FOXO1: variants seen among roughly 807,000 people sequenced by gnomAD.
The protein encoded by FOXO1 is forkhead box O1, also known as forkhead box protein O1.
In FOXO1, 6 loss-of-function variants were observed where a neutral mutation model predicts 44.1. The ratio of observed to expected loss-of-function variants is 0.14; its 90% CI spans 0.07 to 0.27. The LOEUF (loss-of-function observed/expected upper bound fraction) is 0.27. FOXO1 is among the 10% of genes least tolerant of loss of function. The pLI is 1.00. For missense variants in FOXO1, 737 were observed against 888.8 expected, an observed-to-expected ratio of 0.83 and a Z score of 2.17; for synonymous variants, 380 against 362.7, an observed-to-expected ratio of 1.05 and a Z score of -0.54.
At chr13:40,620,031 A>G in intron 1 of FOXO1, 1 of 825,292 alleles carries the variant, frequency 1.2e-6, no homozygotes, top group East Asian at 2.5e-5. Context: ...GGGAAAGTAG[A>G]CCAGTACAGC....
At chr13:40,596,312 G>A (rs1875575709) in intron 1 of FOXO1, among the ~76,000 whole-genome samples, 1 of 152,196 alleles carries the variant, frequency 6.6e-6, no homozygotes, top group Non-Finnish European at 1.5e-5. Context: ...CTGTCATCCA[G>A]GCAGATAATT....
At chr13:40,632,211 CAGTG>C (rs747785225) in intron 1 of FOXO1, among the ~76,000 whole-genome samples, 22 of 152,302 alleles carry the variant, frequency 1.4e-4, no homozygotes, top group Admixed American at 3.9e-4. Flanking sequence ...GCAGAGGTAG[CAGTG>C]AGCCAGTATC....
chr13:40,615,536 CAT>C (rs1240113899), intron 1 of FOXO1, among the ~76,000 whole-genome samples: 3 of 58,842 alleles, frequency 5.1e-5, no homozygotes, highest in Non-Finnish European at 1.1e-4. Flanking sequence ...CAAATACATA[CAT>C]ACATACATAC....
intron 1 of FOXO1, among the ~76,000 whole-genome samples, chr13:40,592,439 G>C (rs1329947949): frequency 6.6e-6 from 1 of 152,198 alleles, no homozygotes; most frequent in Non-Finnish European, 1.5e-5. Context: ...ATATCTCAAA[G>C]TTCCAGAACA....
At chr13:40,641,190 G>C (rs1333159216) in intron 1 of FOXO1, among the ~76,000 whole-genome samples, 1 of 152,014 alleles carries the variant, frequency 6.6e-6, no homozygotes, top group Non-Finnish European at 1.5e-5. Flanking sequence ...GTATGTGTAG[G>C]GGGTGACAGA....
intron 1 of FOXO1, among the ~76,000 whole-genome samples, chr13:40,580,142 T>C (rs1278035108): frequency 6.6e-6 from 1 of 152,192 alleles, no homozygotes; most frequent in African/African-American, 2.4e-5. Flanking sequence ...GTTGCTACAT[T>C]GGGGTAACAA....
intron 1 of FOXO1, among the ~76,000 whole-genome samples, chr13:40,563,280 G>A (rs889611456): frequency 2.6e-5 from 4 of 152,148 alleles, no homozygotes; most frequent in African/African-American, 9.7e-5. Context: ...AACACAAACT[G>A]GGAGAGAAGT....
intron 1 of FOXO1, among the ~76,000 whole-genome samples, chr13:40,567,585 G>A (rs1874318604): frequency 6.6e-6 from 1 of 152,164 alleles, no homozygotes; most frequent in African/African-American, 2.4e-5. Context: ...ACATACTTAA[G>A]GCTGAGGTTA....
At chr13:40,639,547 T>C (rs1212650916) in intron 1 of FOXO1, among the ~76,000 whole-genome samples, 3 of 152,246 alleles carry the variant, frequency 2.0e-5, no homozygotes, top group Non-Finnish European at 4.4e-5. Flanking sequence ...TAATTTTGTC[T>C]AGAGCAGGGA....
chr13:40,665,507 G>T, intron 1 of FOXO1, 76 bp downstream of exon 1: 2 of 1,230,136 alleles, frequency 1.6e-6, no homozygotes, highest in Middle Eastern at 2.5e-4. Flanking sequence ...CCTTCAGGCC[G>T]AGCAAACCTG....
At chr13:40,575,803 G>A (rs995825300) in intron 1 of FOXO1, among the ~76,000 whole-genome samples, 9 of 152,150 alleles carry the variant, frequency 5.9e-5, no homozygotes, top group East Asian at 1.9e-4. Context: ...ACACAGAAAC[G>A]TTAAGGTGCA....
chr13:40,645,242 A>G (rs1337589208), intron 1 of FOXO1, among the ~76,000 whole-genome samples: 4 of 152,222 alleles, frequency 2.6e-5, no homozygotes, highest in Non-Finnish European at 2.9e-5. Flanking sequence ...GCTGCCAGAA[A>G]AACTGTTTCC....
At chr13:40,656,516 C>T (rs1257947396) in intron 1 of FOXO1, among the ~76,000 whole-genome samples, 1 of 152,162 alleles carries the variant, frequency 6.6e-6, no homozygotes, top group Non-Finnish European at 1.5e-5. Flanking sequence ...ATTGTAAATG[C>T]CAACTATTCA....
intron 1 of FOXO1, chr13:40,619,117 C>T (rs561063147): frequency 4.2e-4 from 156 of 373,524 alleles, no homozygotes; most frequent in African/African-American, 3.1e-3. Flanking sequence ...AACCCCATCT[C>T]TACTAAACAG....
intron 1 of FOXO1, among the ~76,000 whole-genome samples, chr13:40,658,136 A>G (rs1396191608): frequency 6.6e-6 from 1 of 152,216 alleles, no homozygotes; most frequent in East Asian, 1.9e-4. Context: ...AGGAGCCAAG[A>G]TTGGAAGTTG....
At chr13:40,641,725 C>T (rs949633114) in intron 1 of FOXO1, among the ~76,000 whole-genome samples, 2 of 149,588 alleles carry the variant, frequency 1.3e-5, no homozygotes, top group Admixed American at 6.6e-5. Context: ...TGGCTCACAC[C>T]TGTAATCCCA....
intron 1 of FOXO1, among the ~76,000 whole-genome samples, chr13:40,609,928 G>C (rs1213007537): frequency 6.6e-6 from 1 of 151,978 alleles, no homozygotes; most frequent in Non-Finnish European, 1.5e-5. Context: ...CATTACAGTT[G>C]CTGTCAAAAA....
rs1875869040 is a variant in FOXO1, at chr13:40,603,127, C to T, written c.631-42267G>A. Among the ~76,000 whole-genome samples the T allele has an allele frequency of 2.0e-5, 3 of 152,132 alleles. No homozygotes were observed. In the South Asian group the frequency reaches 6.2e-4, roughly 31 times the overall value. On this transcript the variant is annotated intron_variant, in intron 1 of 2. Transcript: ENST00000379561. ...GGTCCTTCAGGTCTCTCCCAGCTTACGATGCCTGTACCGTGTATTTCCATT... is the reference window on the plus strand; with the variant it reads ...GGTCCTTCAGGTCTCTCCCAGCTTATGATGCCTGTACCGTGTATTTCCATT...
At chr13:40,664,280 G>A (rs531931767) in intron 1 of FOXO1, among the ~76,000 whole-genome samples, 7 of 152,264 alleles carry the variant, frequency 4.6e-5, no homozygotes, top group South Asian at 2.1e-4. Flanking sequence ...TCGGAGGAGG[G>A]GAGGGAGGTG....
Sources: allele counts gnomAD v4.1 joint callset (sites outside exome capture counted in the v4.1 genomes callset), GRCh38; gene constraint gnomAD v4.1.1; transcripts MANE v1.5; gene names NCBI Gene and HGNC (gene_info 2026-07-23, HGNC 2026-07-21).